Variants in TMEM131L observed in about 807,000 individuals in gnomAD.
TMEM131L encodes transmembrane protein 131-like.
Under a neutral mutation model 192.2 loss-of-function variants are expected in TMEM131L, and 54 were observed. That is an observed-to-expected ratio of 0.28 (90% CI 0.23 to 0.35). The LOEUF (loss-of-function observed/expected upper bound fraction) is 0.35, where lower values mean the gene tolerates loss of function less well. Ranked by LOEUF, TMEM131L falls within the 10% of genes least tolerant of loss-of-function variation. The pLI is 1.00. For synonymous variants in TMEM131L, 701 were observed against 704.9 expected (o/e 0.99, Z 0.09); for missense variants, 1,888 against 1,972.9 (o/e 0.96, Z 0.82).
Position 153,626,481 on chromosome 4 carries a change from C to T in TMEM131L, c.4124+256C>T, listed in dbSNP as rs1050216369. ...AAAATACCTAAGTTTTGAGGCCAGC[C>T]GTGGTGGTTCACACTTGTAATCCTA... On this transcript the variant is annotated intron_variant, in intron 30 of 34. Transcript: ENST00000409959. Among the ~76,000 whole-genome samples the T allele has an allele frequency of 2.0e-5, 3 of 152,122 alleles. 1 individual carries two copies. The East Asian group carries it at 5.8e-4, about 29-fold the overall frequency.
At chr4:153,474,803 G>T (rs1021123285) in intron 3 of TMEM131L, among the ~76,000 whole-genome samples, 1 of 152,086 alleles carries the variant, frequency 6.6e-6, no homozygotes, top group Non-Finnish European at 1.5e-5. Context: ...TGATCCGCCC[G>T]ACTTCGCCTC....
At position 153,623,078 on chromosome 4, in the gene TMEM131L, C is replaced by G; in HGVS notation, c.4040C>G (p.Pro1347Arg). Residue 1347 changes from proline (P) to arginine (R), a missense_variant, in exon 29 of 35, where the codon CCG becomes CGG. Coordinates refer to ENST00000409959, the MANE Select transcript of TMEM131L (RefSeq NM_001131007.2). ...ATGGTGGACGCCCAGCACTTCCTGC[C>G]GGCCGGTGAGTCCTGAGCAGAGCCC... is the stretch of plus-strand genomic sequence containing the variant. ...KPMVDAQHFL[P>R]AGDSVSQNDF... 6.3e-7 allele frequency: 1 copy of G among 1,599,148 alleles called. No individual in the cohort carries two copies.
chr4:153,623,932 C>T (rs917814736), intron 29 of TMEM131L, among the ~76,000 whole-genome samples: 1 of 151,820 alleles, frequency 6.6e-6, no homozygotes, highest in Admixed American at 6.6e-5. Context: ...GTTCACTTCT[C>T]CCTTCCCAAG....
chr4:153,490,070 C>G (rs1732656353), intron 3 of TMEM131L, among the ~76,000 whole-genome samples: 1 of 152,056 alleles, frequency 6.6e-6, no homozygotes, highest in African/African-American at 2.4e-5. Flanking sequence ...CCTGGAAATG[C>G]TTGAATCATA....
chr4:153,536,553 GAAAC>G (rs61172953), intron 3 of TMEM131L, among the ~76,000 whole-genome samples: 4,665 of 152,214 alleles, frequency 0.031, 176 homozygotes, highest in African/African-American at 0.098. Context: ...AAGAAATCCT[GAAAC>G]ACTTTGCTGG....
intron 21 of TMEM131L, among the ~76,000 whole-genome samples, chr4:153,600,815 A>C (rs1561230732): frequency 6.6e-6 from 1 of 152,216 alleles, no homozygotes; most frequent in Non-Finnish European, 1.5e-5. Context: ...CTGAGTTTGA[A>C]AAGATTTATT....
At chr4:153,505,160 G>A (rs1733904117) in intron 3 of TMEM131L, among the ~76,000 whole-genome samples, 1 of 149,422 alleles carries the variant, frequency 6.7e-6, no homozygotes, top group African/African-American at 2.5e-5. Context: ...AGGCTGGAGT[G>A]CAACAGCACA....
intron 3 of TMEM131L, among the ~76,000 whole-genome samples, chr4:153,528,067 G>GC (rs1735625151): frequency 6.6e-6 from 1 of 152,196 alleles, no homozygotes; most frequent in Non-Finnish European, 1.5e-5. Flanking sequence ...GGCATTGCCT[G>GC]CCACGCCTTG....
At chr4:153,493,382 T>C (rs1298763431) in intron 3 of TMEM131L, among the ~76,000 whole-genome samples, 1 of 141,178 alleles carries the variant, frequency 7.1e-6, no homozygotes, top group African/African-American at 2.7e-5. Context: ...TGTTTGGGGC[T>C]GGGCGCAGTG....
chr4:153,477,580 T>C (rs1490956567), intron 3 of TMEM131L, among the ~76,000 whole-genome samples: 2 of 152,116 alleles, frequency 1.3e-5, no homozygotes, highest in Admixed American at 1.3e-4. Context: ...AACAGTGTCC[T>C]TTTTGACGAT....
intron 26 of TMEM131L, among the ~76,000 whole-genome samples, chr4:153,616,834 A>G (rs951214905): frequency 3.9e-5 from 6 of 152,204 alleles, no homozygotes; most frequent in Non-Finnish European, 2.9e-5. Flanking sequence ...GTGGTTACAT[A>G]ACATTTCATC....
At chr4:153,626,106 T>G in intron 29 of TMEM131L, 41 bp from the exon 30 acceptor site, 1 of 1,276,772 alleles carries the variant, frequency 7.8e-7, no homozygotes, top group Non-Finnish European at 1.1e-6. Flanking sequence ...AGTTGAAGTG[T>G]ACTTTTTGAA....
At chr4:153,536,881 C>T (rs1253698291) in intron 3 of TMEM131L, among the ~76,000 whole-genome samples, 1 of 152,156 alleles carries the variant, frequency 6.6e-6, no homozygotes, top group South Asian at 2.1e-4. Flanking sequence ...GTCTGATGTT[C>T]CAGGGCAGGA....
intron 2 of TMEM131L, among the ~76,000 whole-genome samples, chr4:153,472,710 T>G (rs1005041503): frequency 6.6e-6 from 1 of 152,144 alleles, no homozygotes; most frequent in Non-Finnish European, 1.5e-5. Context: ...GAGGTCAAAG[T>G]GTACCACTCT....
At chr4:153,580,336 C>A (rs1428045177) in intron 7 of TMEM131L, among the ~76,000 whole-genome samples, 1 of 152,126 alleles carries the variant, frequency 6.6e-6, no homozygotes, top group Non-Finnish European at 1.5e-5. Context: ...GAATTTTGGA[C>A]ATCTCTTTTT....
chr4:153,481,028 C>A (rs1414886845), intron 3 of TMEM131L, among the ~76,000 whole-genome samples: 4 of 152,182 alleles, frequency 2.6e-5, no homozygotes, highest in African/African-American at 9.6e-5. Flanking sequence ...GACTGCAGTA[C>A]CTTGGGGACG....
At chr4:153,503,767 C>T (rs747549905) in intron 3 of TMEM131L, among the ~76,000 whole-genome samples, 4 of 152,018 alleles carry the variant, frequency 2.6e-5, no homozygotes, top group Non-Finnish European at 5.9e-5. Context: ...TGTAATAAGA[C>T]ACGGGTTATA....
At chr4:153,521,192 A>T (rs1342891630) in intron 3 of TMEM131L, among the ~76,000 whole-genome samples, 1 of 152,170 alleles carries the variant, frequency 6.6e-6, no homozygotes, top group African/African-American at 2.4e-5. Context: ...GATGGAGGTA[A>T]TGTGAATAAC....
chr4:153,604,462 C>A (rs1422338280), intron 25 of TMEM131L, 32 bp downstream of exon 25: 1 of 1,555,554 alleles, frequency 6.4e-7, no homozygotes, highest in South Asian at 1.2e-5. Context: ...ATAATTCTCT[C>A]CTGTTTGTAC....
Sources: gnomAD v4.1 joint callset for allele counts (sites outside exome capture counted in the v4.1 genomes callset) on GRCh38, gnomAD v4.1.1 for gene constraint, MANE v1.5 for transcripts, NCBI Gene and HGNC (gene_info 2026-07-23, HGNC 2026-07-21) for gene names.